Variants in SEMA3E observed in about 807,000 individuals in gnomAD.
SEMA3E encodes the protein semaphorin-3E.
Under a neutral mutation model 93.6 loss-of-function variants are expected in SEMA3E, and 49 were observed. The ratio of observed to expected loss-of-function variants is 0.52; its 90% CI spans 0.42 to 0.66. The LOEUF (loss-of-function observed/expected upper bound fraction) is 0.66, where lower values mean the gene tolerates loss of function less well. Among genes scored for constraint, SEMA3E ranks in the 30% least tolerant of loss-of-function variants. The pLI is 0.00. For synonymous variants in SEMA3E, 363 were observed against 330.7 expected, an observed-to-expected ratio of 1.10 and a Z score of -1.06; for missense variants, 906 against 964.8, an observed-to-expected ratio of 0.94 and a Z score of 0.81.
chr7:83,619,198 T>C (rs773638099), intron 1 of SEMA3E, among the ~76,000 whole-genome samples: 5 of 151,854 alleles, frequency 3.3e-5, no homozygotes, highest in Non-Finnish European at 7.4e-5. Flanking sequence ...CTTTTAGTAG[T>C]TATTATAATT....
intron 5 of SEMA3E, among the ~76,000 whole-genome samples, chr7:83,416,055 T>C (rs190160298): frequency 4.7e-4 from 71 of 152,210 alleles, no homozygotes; most frequent in Middle Eastern, 3.4e-3. Context: ...GGGTGAATTA[T>C]TTTCACTTCC....
intron 4 of SEMA3E, among the ~76,000 whole-genome samples, chr7:83,450,638 G>A (rs1486741274): frequency 2.6e-5 from 4 of 151,886 alleles, no homozygotes; most frequent in Non-Finnish European, 5.9e-5. Context: ...GGGCACTGGT[G>A]TTCTATTTAT....
intron 16 of SEMA3E, among the ~76,000 whole-genome samples, chr7:83,376,111 T>C (rs914942245): frequency 6.6e-6 from 1 of 152,044 alleles, no homozygotes; most frequent in African/African-American, 2.4e-5. Flanking sequence ...ACGAAACAGA[T>C]GGTTCAAATG....
chr7:83,640,138 CCT>C (rs1321196789), intron 1 of SEMA3E, among the ~76,000 whole-genome samples: 2 of 151,942 alleles, frequency 1.3e-5, no homozygotes, highest in African/African-American at 4.8e-5. Flanking sequence ...CTGTTTTCAC[CCT>C]CTTTTATTCT....
At chr7:83,405,581 A>G (rs1788313965) in intron 8 of SEMA3E, 62 bp from the exon 9 acceptor site, 1 of 1,360,360 alleles carries the variant, frequency 7.4e-7, no homozygotes. Flanking sequence ...TGCAAAGAAA[A>G]TTTATTCACC....
intron 12 of SEMA3E, among the ~76,000 whole-genome samples, 182 bp downstream of exon 12, chr7:83,396,456 G>A (rs1404574110): frequency 6.6e-6 from 1 of 151,800 alleles, no homozygotes; most frequent in Non-Finnish European, 1.5e-5. Context: ...TGATCTCTCA[G>A]TTGAAACGTC....
At chr7:83,499,840 C>T (rs112311955) in intron 1 of SEMA3E, among the ~76,000 whole-genome samples, 12 of 152,054 alleles carry the variant, frequency 7.9e-5, no homozygotes, top group South Asian at 2.1e-4. Context: ...CACATATACG[C>T]GCATGCACAC....
chr7:83,593,895 G>T (rs1218882758), intron 1 of SEMA3E, among the ~76,000 whole-genome samples: 1 of 152,048 alleles, frequency 6.6e-6, no homozygotes, highest in Non-Finnish European at 1.5e-5. Context: ...ACTGGAAGTT[G>T]GCTTCTTTTG....
intron 10 of SEMA3E, among the ~76,000 whole-genome samples, chr7:83,401,659 T>C (rs1230535678): frequency 6.6e-6 from 1 of 151,920 alleles, no homozygotes; most frequent in African/African-American, 2.4e-5. Context: ...TGAGAGAGAG[T>C]GATTGAAATG....
chr7:83,462,219 T>A (rs187533804), intron 4 of SEMA3E: 1 of 152,090 alleles, frequency 6.6e-6, no homozygotes, highest in Non-Finnish European at 1.5e-5. Flanking sequence ...GGTAGGCCCG[T>A]CCCCTTCTTA....
chr7:83,641,480 G>A (rs1006134320), intron 1 of SEMA3E: 7 of 642,916 alleles, frequency 1.1e-5, no homozygotes, highest in Non-Finnish European at 1.2e-5. Flanking sequence ...TCTATTGTGC[G>A]TTACAAAGCT....
At chr7:83,446,580 G>A (rs1190933362) in intron 4 of SEMA3E, among the ~76,000 whole-genome samples, 1 of 152,160 alleles carries the variant, frequency 6.6e-6, no homozygotes, top group Non-Finnish European at 1.5e-5. Flanking sequence ...TGAAAGAGTG[G>A]AAAAGCAGTG....
intron 1 of SEMA3E, among the ~76,000 whole-genome samples, chr7:83,647,406 A>G (rs1794093543): frequency 6.6e-6 from 1 of 152,258 alleles, no homozygotes; most frequent in South Asian, 2.1e-4. Flanking sequence ...AGCTTACACA[A>G]TTGAAAAATG....
At chr7:83,591,557 T>C (rs1792757498) in intron 1 of SEMA3E, among the ~76,000 whole-genome samples, 1 of 151,888 alleles carries the variant, frequency 6.6e-6, no homozygotes, top group African/African-American at 2.4e-5. Flanking sequence ...TATTTTATGG[T>C]TTTTACACAT....
Position 83,635,563 on chromosome 7 carries a change from CA to C in SEMA3E, c.115+12864del, listed in dbSNP as rs3839776. Among the ~76,000 whole-genome samples, 45 of 147,114 alleles carry C rather than the reference CA, an allele frequency of 3.1e-4. No individual in the cohort carries two copies. The South Asian group carries it at 7.3e-3, about 24-fold the overall frequency. ...TATTTAATTAATTATAGTATAGTACCAAAAAAAAACAAACTTAAGGATATAG... is the reference window on the plus strand; with the variant it reads ...TATTTAATTAATTATAGTATAGTACCAAAAAAAACAAACTTAAGGATATAG... On this transcript the variant is annotated intron_variant, in intron 1 of 16. Coordinates refer to ENST00000643230, the MANE Select transcript of SEMA3E (RefSeq NM_012431.3).
At chr7:83,611,365 T>C (rs1249124168) in intron 1 of SEMA3E, among the ~76,000 whole-genome samples, 1 of 144,298 alleles carries the variant, frequency 6.9e-6, no homozygotes, top group African/African-American at 2.5e-5. Flanking sequence ...TGTAAATTTA[T>C]ATATTATATA....
At chr7:83,496,985 G>A (rs1790501714) in intron 1 of SEMA3E, among the ~76,000 whole-genome samples, 2 of 152,068 alleles carry the variant, frequency 1.3e-5, no homozygotes, top group African/African-American at 4.8e-5. Flanking sequence ...TGAATTGCTT[G>A]GGGATGGAAT....
intron 1 of SEMA3E, among the ~76,000 whole-genome samples, chr7:83,498,521 C>T (rs367798889): frequency 3.9e-5 from 6 of 152,100 alleles, no homozygotes; most frequent in African/African-American, 1.4e-4. Flanking sequence ...TCTGTTGCCC[C>T]CGCTGGAGTG....
intron 15 of SEMA3E, 110 bp from the exon 16 acceptor site, chr7:83,385,543 G>T: frequency 8.9e-7 from 1 of 1,117,326 alleles, no homozygotes. Flanking sequence ...ATTACTTATT[G>T]CTTATTTCTG....
Sources: allele counts gnomAD v4.1 joint callset (sites outside exome capture counted in the v4.1 genomes callset), GRCh38; gene constraint gnomAD v4.1.1; transcripts MANE v1.5; gene names NCBI Gene and HGNC (gene_info 2026-07-23, HGNC 2026-07-21).